Variants in HSD17B11 observed in about 807,000 individuals in gnomAD.
The protein encoded by HSD17B11 is hydroxysteroid 17-beta dehydrogenase 11.
Under a neutral mutation model 27.8 loss-of-function variants are expected in HSD17B11, and 22 were observed. The observed-to-expected ratio is 0.79, with a 90% CI of 0.56 to 1.13. HSD17B11 has a LOEUF of 1.13. Ranked by LOEUF, HSD17B11 falls within the 50% of genes most tolerant of loss-of-function variation. The pLI is 0.00. For synonymous variants in HSD17B11, 117 were observed against 132.8 expected (o/e 0.88, Z 0.82); for missense variants, 314 against 351.1 (o/e 0.89, Z 0.84).
chr4:87,337,142 C>A lies in HSD17B11; in HGVS notation c.*134G>T. ...AAGAACAAGTGGTAGTAAATGAAGACTGCCAAAGCCTCAAAAATGATATTG... is the reference window on the plus strand; with the variant it reads ...AAGAACAAGTGGTAGTAAATGAAGAATGCCAAAGCCTCAAAAATGATATTG... On this transcript the variant is annotated 3_prime_UTR_variant, in exon 7 of 7. Transcript: ENST00000358290. The A allele has an allele frequency of 1.5e-6, 1 of 681,648 alleles. No individual in the cohort carries two copies. The highest frequency in any genetic ancestry group is 2.6e-6 in the Non-Finnish European group (1 of 380,200). The allele number at this position is 681,648 out of a possible 1,614,324, so 42.2% of individuals were successfully genotyped here.
intron 4 of HSD17B11, among the ~76,000 whole-genome samples, chr4:87,363,686 C>T (rs1003051188): frequency 3.9e-5 from 6 of 152,144 alleles, no homozygotes; most frequent in African/African-American, 1.4e-4. Flanking sequence ...TAGTTAAAAG[C>T]CTTTGCAAGC....
chr4:87,378,831 A>AATAT (rs370260155), intron 2 of HSD17B11, among the ~76,000 whole-genome samples: 1 of 21,924 alleles, frequency 4.6e-5, no homozygotes, highest in Non-Finnish European at 9.6e-5. Context: ...TATATATATA[A>AATAT]ATATATATAT....
intron 4 of HSD17B11, among the ~76,000 whole-genome samples, chr4:87,362,482 T>C (rs1356805540): frequency 2.0e-5 from 3 of 152,194 alleles, no homozygotes; most frequent in African/African-American, 4.8e-5. Context: ...GCCGAGATTG[T>C]GCTGCTGCAC....
chr4:87,382,154 AT>A, intron 2 of HSD17B11, 100 bp downstream of exon 2: 1 of 844,112 alleles, frequency 1.2e-6, no homozygotes, highest in South Asian at 1.7e-5. Flanking sequence ...AAATAACAAC[AT>A]TTCTCAGGTA....
rs1379186611 is a variant in HSD17B11, at chr4:87,372,706, T to C, written c.557+3A>G. The C allele has an allele frequency of 5.7e-6, 9 of 1,573,766 alleles. No homozygotes were observed. Among genetic ancestry groups the C allele is most frequent in the Middle Eastern group, 3.3e-4 (2 of 5,998 alleles). On this transcript the variant is annotated splice_donor_region_variant and intron_variant, in intron 4 of 6. Transcript: ENST00000358290. ...CCAATGAAGGAAACACATGTTCACA[T>C]ACCAGTAAGCCAGTAAGAAGGGGAC...
chr4:87,343,095 C>T (rs1457352762), intron 5 of HSD17B11, among the ~76,000 whole-genome samples: 1 of 152,184 alleles, frequency 6.6e-6, no homozygotes, highest in Non-Finnish European at 1.5e-5. Flanking sequence ...GCTAACCTAC[C>T]TATCAAGCGG....
chr4:87,377,022 C>G (rs550254560), intron 2 of HSD17B11, among the ~76,000 whole-genome samples: 1 of 151,906 alleles, frequency 6.6e-6, no homozygotes, highest in Non-Finnish European at 1.5e-5. Context: ...CCCAGCTACT[C>G]GGAAGGTTGA....
chr4:87,341,876 A>G (rs1401723475), intron 5 of HSD17B11, among the ~76,000 whole-genome samples: 4 of 151,868 alleles, frequency 2.6e-5, no homozygotes, highest in African/African-American at 7.3e-5. Context: ...TAAATAAATA[A>G]ATAGATAGAT....
At chr4:87,368,329 AAC>A (rs1219810361) in intron 4 of HSD17B11, among the ~76,000 whole-genome samples, 1 of 151,852 alleles carries the variant, frequency 6.6e-6, no homozygotes, top group Non-Finnish European at 1.5e-5. Context: ...AAAAACAAAA[AAC>A]ACACACACAA....
At chr4:87,373,636 G>A (rs1415568438) in intron 3 of HSD17B11, among the ~76,000 whole-genome samples, 4 of 152,062 alleles carry the variant, frequency 2.6e-5, no homozygotes, top group Non-Finnish European at 5.9e-5. Flanking sequence ...TTTGAGCCCA[G>A]GAACCTGAAG....
chr4:87,343,031 A>G (rs1042386069), intron 5 of HSD17B11, among the ~76,000 whole-genome samples: 3 of 152,174 alleles, frequency 2.0e-5, no homozygotes, highest in African/African-American at 7.2e-5. Context: ...AGCTCAATGA[A>G]AGCTTATAGA....
rs1047601774 is a variant in HSD17B11, at chr4:87,387,433, A to G, written c.210+3428T>C. Among the ~76,000 whole-genome samples the G allele has an allele frequency of 3.3e-5, 5 of 152,274 alleles. No homozygotes were observed. The South Asian group carries it at 6.2e-4, about 19-fold the overall frequency. On this transcript the variant is annotated intron_variant, in intron 1 of 6. Transcript: ENST00000358290. ...CTCCCTGCCCTGCCAGCTAGATCTC[A>G]TAACAATCAAACACCACTCCACTTT...
At chr4:87,379,300 A>C (rs1161765994) in intron 2 of HSD17B11, among the ~76,000 whole-genome samples, 4 of 150,852 alleles carry the variant, frequency 2.7e-5, no homozygotes, top group Non-Finnish European at 4.4e-5. Context: ...TCCAGCAGAT[A>C]TATTTCTATA....
Position 87,390,918 on chromosome 4 carries a change from C to CA in HSD17B11, c.152dup (p.Thr52AspfsTer4). Reference sequence around the variant, plus strand: ...TAAGTTTAGCAAATTCATAGGCAGTCAGTCTCCCAATTCCATGCCCAGCTC... The same window carrying CA: ...TAAGTTTAGCAAATTCATAGGCAGTCAAGTCTCCCAATTCCATGCCCAGCTC... On this transcript the variant is annotated frameshift_variant, in exon 1 of 7. Coordinates refer to ENST00000358290, the MANE Select transcript of HSD17B11 (RefSeq NM_016245.5). LOFTEE classifies it high-confidence loss of function. The CA allele has an allele frequency of 6.2e-7, 1 of 1,614,150 alleles. No homozygotes were observed. Among genetic ancestry groups the CA allele is most frequent in the Non-Finnish European group, 8.5e-7 (1 of 1,180,026 alleles).
intron 5 of HSD17B11, among the ~76,000 whole-genome samples, chr4:87,345,556 C>A (rs1020854930): frequency 6.6e-5 from 10 of 152,014 alleles, no homozygotes; most frequent in African/African-American, 2.4e-4. Context: ...ATTAGCAAAC[C>A]TTTAGCTACA....
chr4:87,373,001 G>C (rs1437301946), intron 3 of HSD17B11, among the ~76,000 whole-genome samples, 186 bp from the exon 4 acceptor site: 1 of 152,156 alleles, frequency 6.6e-6, no homozygotes, highest in Admixed American at 6.5e-5. Context: ...GAAAACCTGA[G>C]CAAAACAATG....
chr4:87,338,714 T>G (rs934086673), intron 6 of HSD17B11, among the ~76,000 whole-genome samples: 10 of 152,106 alleles, frequency 6.6e-5, no homozygotes, highest in African/African-American at 1.9e-4. Context: ...GTTTTTGATT[T>G]CTAGTAGAGA....
chr4:87,337,499 T>C (rs58693841), intron 6 of HSD17B11, 133 bp from the exon 7 acceptor site: 20,778 of 599,744 alleles, frequency 0.035, 3,043 homozygotes, highest in African/African-American at 0.34. Context: ...ATCTTAAATC[T>C]GAGTCACTAC....
rs1359116701 is a variant in HSD17B11 at position 87,343,557 on chromosome 4, T to C, written c.696-2951A>G. On this transcript the variant is annotated intron_variant, in intron 5 of 6. Coordinates refer to ENST00000358290, the MANE Select transcript of HSD17B11 (RefSeq NM_016245.5). The stretch of plus-strand genomic sequence containing the variant: ...GAAAACATTTCAACTCTTTTTTTTT[T>C]TTTTTTTTGAGACAGAGTCTCGCTC... Among the ~76,000 whole-genome samples, 1,222 of 150,604 alleles carry C rather than the reference T, an allele frequency of 8.1e-3. 11 individuals are homozygous for C. The highest frequency in any genetic ancestry group is 0.028 in the African/African-American group (1,148 of 40,990).
Sources: allele counts gnomAD v4.1 joint callset (sites outside exome capture counted in the v4.1 genomes callset), GRCh38; gene constraint gnomAD v4.1.1; transcripts MANE v1.5; gene names NCBI Gene and HGNC (gene_info 2026-07-23, HGNC 2026-07-21).